Variants in SV2C observed in about 807,000 individuals in gnomAD.
The protein encoded by SV2C is synaptic vesicle glycoprotein 2C.
Under a neutral mutation model 79.7 loss-of-function variants are expected in SV2C, and 49 were observed. That is an observed-to-expected ratio of 0.61 (90% confidence interval 0.49 to 0.78). The LOEUF (loss-of-function observed/expected upper bound fraction) is 0.78, where lower values mean the gene tolerates loss of function less well. SV2C is among the 30% of genes least tolerant of loss of function. The probability of loss-of-function intolerance (pLI) is 0.00; values close to 1 mark genes in which losing one functional copy is unlikely to be tolerated. For missense variants in SV2C, 833 were observed against 912.9 expected, an observed-to-expected ratio of 0.91 and a Z score of 1.13; for synonymous variants, 334 against 333.2, an observed-to-expected ratio of 1.00 and a Z score of -0.03.
At chr5:75,963,319 C>G in the SV2C span, among the ~76,000 whole-genome samples, 11 of 152,234 alleles carry the variant, frequency 7.2e-5, no homozygotes, top group Admixed American at 3.3e-4. Context: ...ACACTCACAA[C>G]GAATTCCTTA....
chr5:76,277,844 C>CAAG (rs1747069720), intron 4 of SV2C, among the ~76,000 whole-genome samples: 2 of 151,578 alleles, frequency 1.3e-5, no homozygotes, highest in South Asian at 4.2e-4. Flanking sequence ...TAGGGACAGA[C>CAAG]AAGAGATCAG....
At chr5:75,888,239 G>A in the SV2C span, among the ~76,000 whole-genome samples, 4 of 151,678 alleles carry the variant, frequency 2.6e-5, no homozygotes, top group East Asian at 1.9e-4. Flanking sequence ...AGGTGGGGGC[G>A]ATGCTTTGGC....
At chr5:76,130,058 C>G (rs1748827939) in intron 1 of SV2C, among the ~76,000 whole-genome samples, 1 of 150,946 alleles carries the variant, frequency 6.6e-6, no homozygotes, top group African/African-American at 2.4e-5. Flanking sequence ...TCCTCAGCCT[C>G]CCTTCTCACC....
the SV2C span, among the ~76,000 whole-genome samples, chr5:75,901,693 G>T: frequency 3.4e-3 from 523 of 152,384 alleles, 1 homozygote; most frequent in African/African-American, 0.012. Flanking sequence ...CCCCAGAGGT[G>T]GAGCCTACAG....
At chr5:75,930,238 A>G in the SV2C span, among the ~76,000 whole-genome samples, 1 of 151,710 alleles carries the variant, frequency 6.6e-6, no homozygotes, top group African/African-American at 2.4e-5. Context: ...TATTATTGTC[A>G]GGTGCAGCGT....
chr5:75,896,325 G>A, the SV2C span, among the ~76,000 whole-genome samples: 3 of 149,552 alleles, frequency 2.0e-5, no homozygotes, highest in East Asian at 6.0e-4. Context: ...TTGGTTTTTT[G>A]TTCTTGCGAT....
the SV2C span, among the ~76,000 whole-genome samples, chr5:75,945,811 A>G: frequency 4.6e-5 from 7 of 152,266 alleles, no homozygotes; most frequent in South Asian, 2.1e-4. Flanking sequence ...GAAATTAAAT[A>G]ACAGACTTCT....
intron 4 of SV2C, among the ~76,000 whole-genome samples, chr5:76,242,787 C>G (rs942019139): frequency 1.3e-5 from 2 of 151,840 alleles, no homozygotes; most frequent in Non-Finnish European, 2.9e-5. Context: ...AATCTCAGCA[C>G]TTTAGGAGCC....
At chr5:76,226,746 A>G (rs143187515) in intron 4 of SV2C, among the ~76,000 whole-genome samples, 9 of 152,290 alleles carry the variant, frequency 5.9e-5, no homozygotes, top group African/African-American at 2.2e-4. Context: ...ATGTGTCCCA[A>G]TGTTAAGGAG....
the SV2C span, among the ~76,000 whole-genome samples, chr5:75,968,907 G>A: frequency 3.3e-5 from 5 of 151,770 alleles, no homozygotes; most frequent in East Asian, 9.7e-4. Context: ...AGGAAAAAAT[G>A]TTAACGGCAG....
At chr5:76,156,086 C>T (rs1033083445) in intron 2 of SV2C, among the ~76,000 whole-genome samples, 2 of 151,768 alleles carry the variant, frequency 1.3e-5, no homozygotes, top group African/African-American at 4.8e-5. Flanking sequence ...CTGAGAGGAG[C>T]ATTCCTGGAG....
the SV2C span, among the ~76,000 whole-genome samples, chr5:76,008,137 T>C: frequency 5.3e-5 from 8 of 152,316 alleles, no homozygotes; most frequent in South Asian, 1.7e-3. Flanking sequence ...CTCCTCTTGC[T>C]TACATTCTCA....
chr5:76,035,590 T>G, the SV2C span, among the ~76,000 whole-genome samples: 1 of 143,902 alleles, frequency 6.9e-6, no homozygotes, highest in Non-Finnish European at 1.5e-5. Flanking sequence ...TGAGTTCTAG[T>G]TTGATTGCAC....
At chr5:76,342,811 G>T (rs756696906) in intron 12 of SV2C, among the ~76,000 whole-genome samples, 1 of 151,922 alleles carries the variant, frequency 6.6e-6, no homozygotes, top group African/African-American at 2.4e-5. Flanking sequence ...CACACACTCA[G>T]TCTTTTATTG....
intron 1 of SV2C, among the ~76,000 whole-genome samples, chr5:76,116,958 C>A (rs1407618543): frequency 6.6e-6 from 1 of 152,060 alleles, no homozygotes; most frequent in Admixed American, 6.6e-5. Flanking sequence ...ACATACTTTA[C>A]CCGAGATGGG....
At chr5:76,338,741 T>G (rs547807337), downstream of SV2C, among the ~76,000 whole-genome samples, 5 of 149,324 alleles carry the variant, frequency 3.3e-5, no homozygotes, top group Admixed American at 6.8e-5. Flanking sequence ...CACTGCAACC[T>G]CCACCTCCTG....
the SV2C span, among the ~76,000 whole-genome samples, chr5:76,032,997 G>C: frequency 6.6e-6 from 1 of 152,188 alleles, no homozygotes; most frequent in African/African-American, 2.4e-5. Flanking sequence ...CTGATGGCCA[G>C]TGATGGTGAG....
chr5:75,994,327 C>G, the SV2C span, among the ~76,000 whole-genome samples: 4 of 152,014 alleles, frequency 2.6e-5, no homozygotes, highest in Admixed American at 6.6e-5. Flanking sequence ...GCAGAGAAAG[C>G]CTTATTTATA....
intron 12 of SV2C, chr5:76,353,097 T>C (rs1401259218): frequency 4.8e-6 from 2 of 419,684 alleles, no homozygotes; most frequent in South Asian, 1.6e-5. Context: ...GGAGCCACCA[T>C]GCCCAGCTAA....
Sources: allele counts gnomAD v4.1 joint callset (sites outside exome capture counted in the v4.1 genomes callset), GRCh38; gene constraint gnomAD v4.1.1; transcripts MANE v1.5; gene names NCBI Gene and HGNC (gene_info 2026-07-23, HGNC 2026-07-21).